Variants in FAM3C observed in about 807,000 individuals in gnomAD.
The protein encoded by FAM3C is protein FAM3C.
Under a neutral mutation model 32.5 loss-of-function variants are expected in FAM3C, and 15 were observed. That is an observed-to-expected ratio of 0.46 (90% CI 0.31 to 0.71). The LOEUF (loss-of-function observed/expected upper bound fraction) is 0.71. Among genes scored for constraint, FAM3C ranks in the 30% least tolerant of loss-of-function variants. The probability of loss-of-function intolerance (pLI) is 0.05; values close to 1 mark genes in which losing one functional copy is unlikely to be tolerated. For synonymous variants in FAM3C, 75 were observed against 86.1 expected, an observed-to-expected ratio of 0.87 and a Z score of 0.72; for missense variants, 175 against 274.4, an observed-to-expected ratio of 0.64 and a Z score of 2.56.
At chr7:121,353,206 T>G (rs948465720) in intron 8 of FAM3C, among the ~76,000 whole-genome samples, 2 of 152,228 alleles carry the variant, frequency 1.3e-5, no homozygotes, top group African/African-American at 4.8e-5. Context: ...TCCAGCTCCC[T>G]GCCAAAAGTA....
At chr7:121,369,312 T>G (rs1405846276) in intron 5 of FAM3C, among the ~76,000 whole-genome samples, 2 of 152,120 alleles carry the variant, frequency 1.3e-5, no homozygotes, top group Non-Finnish European at 2.9e-5. Context: ...CGTATTTTTT[T>G]TAAGCATCTG....
At chr7:121,371,781 C>A (rs936346724) in intron 4 of FAM3C, among the ~76,000 whole-genome samples, 2 of 152,110 alleles carry the variant, frequency 1.3e-5, no homozygotes, top group Non-Finnish European at 2.9e-5. Flanking sequence ...CTTTGCACTT[C>A]TAGTCCATAT....
chr7:121,357,853 A>G (rs1399599868), intron 8 of FAM3C, among the ~76,000 whole-genome samples: 2 of 152,180 alleles, frequency 1.3e-5, no homozygotes, highest in Non-Finnish European at 2.9e-5. Context: ...GCTATAATTT[A>G]TTATTAGCAT....
intron 8 of FAM3C, among the ~76,000 whole-genome samples, chr7:121,354,098 AT>A (rs1411201516): frequency 3.9e-5 from 6 of 152,198 alleles, no homozygotes; most frequent in East Asian, 1.9e-4. Flanking sequence ...AGTAAAAAAA[AT>A]CTTTATATTT....
chr7:121,363,990 T>G lies in FAM3C; in HGVS notation c.331+140A>C, dbSNP rs77082608. The G allele has an allele frequency of 3.8e-4, 225 of 587,606 alleles. No homozygotes were observed. The African/African-American group carries it at 3.9e-3, about 10-fold the overall frequency. The allele number at this position is 587,606 out of a possible 1,614,324, so 36.4% of individuals were successfully genotyped here. On this transcript the variant is annotated intron_variant, in intron 6 of 9. Coordinates refer to ENST00000359943, the MANE Select transcript of FAM3C (RefSeq NM_014888.3). ...AGACACCAAGTCTCCACCCATAGAT[T>G]TTTTGCAGGGCAGGGATGGGACAGA...
At chr7:121,372,802 CTGATT>C (rs1794174010) in intron 3 of FAM3C, among the ~76,000 whole-genome samples, 1 of 152,132 alleles carries the variant, frequency 6.6e-6, no homozygotes, top group Non-Finnish European at 1.5e-5. Flanking sequence ...CAGCCATTTC[CTGATT>C]TGACTAATAA....
intron 2 of FAM3C, among the ~76,000 whole-genome samples, chr7:121,379,850 C>A (rs760759967): frequency 3.9e-5 from 6 of 152,106 alleles, no homozygotes; most frequent in Non-Finnish European, 7.4e-5. Context: ...ATAATAAAGT[C>A]TTAAAAAATC....
intron 5 of FAM3C, among the ~76,000 whole-genome samples, chr7:121,367,943 GCAACAGAATGAGACCCTGT>G (rs1214103135): frequency 5.9e-5 from 9 of 151,736 alleles, no homozygotes; most frequent in African/African-American, 1.9e-4. Flanking sequence ...TCCAGCCTGG[GCAACAGAATGAGACCCTGT>G]CTCTAGGTAA....
intron 3 of FAM3C, among the ~76,000 whole-genome samples, 180 bp downstream of exon 3, chr7:121,378,730 A>G (rs1794290807): frequency 6.6e-6 from 1 of 152,150 alleles, no homozygotes; most frequent in African/African-American, 2.4e-5. Context: ...TTCATGTTTT[A>G]TACTAAATTA....
chr7:121,378,831 G>A (rs1209098797), intron 3 of FAM3C, 79 bp downstream of exon 3: 8 of 645,644 alleles, frequency 1.2e-5, no homozygotes, highest in Non-Finnish European at 2.1e-5. Context: ...CTAGCACTGA[G>A]TGACTCAGTG....
At chr7:121,392,394 A>G (rs554058696) in intron 1 of FAM3C, among the ~76,000 whole-genome samples, 2 of 152,152 alleles carry the variant, frequency 1.3e-5, no homozygotes, top group Non-Finnish European at 2.9e-5. Flanking sequence ...GAAGAGAGAG[A>G]GTGCAGGAAA....
In FAM3C at chr7:121,349,539, A is replaced by G. The variant is rs2116855411; in HGVS notation, c.*922T>C. ...TAATTGCTATTATGAAGTTAGATAA[A>G]CACAGGATTAATTTCTTGGTTTACA... is the stretch of plus-strand genomic sequence containing the variant. On this transcript the variant is annotated 3_prime_UTR_variant, in exon 10 of 10. Transcript: ENST00000359943. 2 of 152,246 alleles carry G rather than the reference A, an allele frequency of 1.3e-5. No homozygotes were observed. Among genetic ancestry groups the G allele is most frequent in the Middle Eastern group, 6.8e-3 (2 of 292 alleles). 9.4% of individuals were successfully genotyped at this position (152,246 alleles called of 1,614,324 possible). A position where few individuals can be genotyped will look rare whatever the true frequency, so the allele number is the denominator to read the frequency against.
At chr7:121,394,263 T>G (rs1192847998) in intron 1 of FAM3C, among the ~76,000 whole-genome samples, 1 of 152,212 alleles carries the variant, frequency 6.6e-6, no homozygotes, top group Non-Finnish European at 1.5e-5. Context: ...GAACATTACT[T>G]TTTGCCATTC....
chr7:121,390,853 CGGGGGG>C (rs58750532), intron 1 of FAM3C, among the ~76,000 whole-genome samples: 402 of 7,370 alleles, frequency 0.055, no homozygotes, highest in African/African-American at 0.1. Flanking sequence ...CTGTGTGGGG[CGGGGGG>C]GGGGGGGGGG....
In FAM3C at chr7:121,378,903, A is replaced by G; in HGVS notation, c.118+7T>C. 4.9e-6 allele frequency: 7 copies of G among 1,424,186 alleles called. No homozygotes were observed. The highest frequency in any genetic ancestry group is 6.8e-6 in the Non-Finnish European group (7 of 1,033,524). The allele number at this position is 1,424,186 out of a possible 1,614,324, so 88.2% of individuals were successfully genotyped here. On this transcript the variant is annotated splice_region_variant and intron_variant, in intron 3 of 9. Coordinates refer to ENST00000359943, the MANE Select transcript of FAM3C (RefSeq NM_014888.3). ...AAGATTTAAGAAAGGAAAAAAATAAAACTTACCAAATAGATTTCCTAAACT... is the reference window on the plus strand; with the variant it reads ...AAGATTTAAGAAAGGAAAAAAATAAGACTTACCAAATAGATTTCCTAAACT...
chr7:121,352,671 A>G (rs948049805), intron 8 of FAM3C, among the ~76,000 whole-genome samples: 5 of 152,214 alleles, frequency 3.3e-5, no homozygotes, highest in African/African-American at 1.2e-4. Flanking sequence ...GTTCCTCTGC[A>G]GCTTCGTTTC....
Position 121,350,144 on chromosome 7 carries a change from T to C in FAM3C, c.*317A>G. The stretch of plus-strand genomic sequence containing the variant: ...TCATAGCAACTAGTATATATATCAA[T>C]ATATTTTTCACAAACCATTCAGTTA... On this transcript the variant is annotated 3_prime_UTR_variant, in exon 10 of 10. Transcript: ENST00000359943. 2 of 279,432 alleles carry C rather than the reference T, an allele frequency of 7.2e-6. No homozygotes were observed. Among genetic ancestry groups the C allele is most frequent in the Non-Finnish European group, 1.3e-5 (2 of 148,442 alleles). The allele number at this position is 279,432 out of a possible 1,614,324, so 17.3% of individuals were successfully genotyped here.
intron 7 of FAM3C, 29 bp from the exon 8 acceptor site, chr7:121,360,156 T>TA: frequency 1.7e-6 from 2 of 1,206,664 alleles, no homozygotes; most frequent in Non-Finnish European, 2.5e-6. Context: ...TTTAGGGTTT[T>TA]AAAAAATGAC....
At chr7:121,395,864 G>A (rs888848588) in intron 1 of FAM3C, among the ~76,000 whole-genome samples, 1 of 151,092 alleles carries the variant, frequency 6.6e-6, no homozygotes, top group Admixed American at 6.6e-5. Flanking sequence ...CCCAGGCCGG[G>A]GCGCCGAGTG....
Sources: gnomAD v4.1 joint callset for allele counts (sites outside exome capture counted in the v4.1 genomes callset) on GRCh38, gnomAD v4.1.1 for gene constraint, MANE v1.5 for transcripts, NCBI Gene and HGNC (gene_info 2026-07-23, HGNC 2026-07-21) for gene names.